PRKN: variants seen among roughly 807,000 people sequenced by gnomAD.
PRKN encodes the protein parkin RBR E3 ubiquitin protein ligase.
A neutral mutation model predicts 59.5 loss-of-function variants in PRKN; 56 were observed. That is an observed-to-expected ratio of 0.94 (90% confidence interval 0.76 to 1.18). PRKN has a LOEUF of 1.18. PRKN is among the 50% of genes most tolerant of loss of function. The pLI, the probability that PRKN is intolerant of heterozygous loss-of-function variation, is 0.00. For missense variants in PRKN, 657 were observed against 596.4 expected, an observed-to-expected ratio of 1.10 and a Z score of -1.06; for synonymous variants, 250 against 222.1, an observed-to-expected ratio of 1.13 and a Z score of -1.12.
rs866984219 is a variant in PRKN at position 162,000,410 on chromosome 6, G to A, written c.619-26993C>T. 9.2e-5 allele frequency among the ~76,000 whole-genome samples: 14 copies of A among 152,094 alleles called. No individual in the cohort carries two copies. The East Asian group carries it at 1.7e-3, about 19-fold the overall frequency. On this transcript the variant is annotated intron_variant, in intron 5 of 11. Transcript: ENST00000366898. ...TTTAATTTCCCTAACATGGTAAGAC[G>A]TTGAGCATCTTCTTATATGCTTACT...
At chr6:161,580,964 G>T (rs1781316290) in intron 7 of PRKN, among the ~76,000 whole-genome samples, 1 of 151,926 alleles carries the variant, frequency 6.6e-6, no homozygotes, top group Non-Finnish European at 1.5e-5. Flanking sequence ...CACTTTGGGA[G>T]GCCAAGGCAG....
intron 6 of PRKN, among the ~76,000 whole-genome samples, chr6:161,873,270 G>A (rs946359455): frequency 6.6e-6 from 1 of 151,672 alleles, no homozygotes; most frequent in Non-Finnish European, 1.5e-5. Flanking sequence ...CTGTAGAAAC[G>A]GTCTCTCCTA....
rs1463715950 is a variant in PRKN at position 161,562,501 on chromosome 6, AT to A, written c.933+6853del. Among the ~76,000 whole-genome samples, 1 of 152,096 alleles carries A rather than the reference AT, an allele frequency of 6.6e-6. No homozygotes were observed. Among genetic ancestry groups the A allele is most frequent in the East Asian group, 1.9e-4 (1 of 5,184 alleles). On this transcript the variant is annotated intron_variant, in intron 8 of 11. Coordinates refer to ENST00000366898, the MANE Select transcript of PRKN (RefSeq NM_004562.3). This position sits in a 1 kb window ranked among gnomAD's most constrained non-coding sequence, Gnocchi z 4.3. ...TTCTGAGAATCCCCATGGGTTTAAA[AT>A]TTCCTCTACATGCTGGTAATTCCAA...
intron 6 of PRKN, among the ~76,000 whole-genome samples, chr6:161,846,080 G>T (rs1389987193): frequency 6.6e-6 from 1 of 152,208 alleles, no homozygotes; most frequent in East Asian, 1.9e-4. Context: ...ATAAAAATAG[G>T]CTCCAAGGCT....
intron 6 of PRKN, among the ~76,000 whole-genome samples, chr6:161,962,416 T>TA (rs967000640): frequency 5.3e-4 from 79 of 149,602 alleles, no homozygotes; most frequent in South Asian, 2.5e-3. Context: ...TAGTTTTCTT[T>TA]AAAAAAAAAA....
intron 2 of PRKN, among the ~76,000 whole-genome samples, chr6:162,318,025 T>TAA (rs919036490): frequency 2.6e-5 from 4 of 151,994 alleles, no homozygotes; most frequent in African/African-American, 4.8e-5. Flanking sequence ...CAGAAATTTT[T>TAA]AATTTTCCCA....
At chr6:162,637,533 T>A (rs561028444) in intron 1 of PRKN, among the ~76,000 whole-genome samples, 3 of 152,210 alleles carry the variant, frequency 2.0e-5, no homozygotes, top group Non-Finnish European at 4.4e-5. Context: ...GAAGCAGGGC[T>A]CGACTTTGAC....
At chr6:162,530,567 C>T (rs777916983) in intron 1 of PRKN, among the ~76,000 whole-genome samples, 8 of 152,140 alleles carry the variant, frequency 5.3e-5, no homozygotes, top group East Asian at 1.9e-4. Context: ...ATGAAGAACA[C>T]AGTCTGCCTC....
At chr6:162,664,644 G>C (rs1779026140) in intron 1 of PRKN, among the ~76,000 whole-genome samples, 1 of 152,146 alleles carries the variant, frequency 6.6e-6, no homozygotes, top group Non-Finnish European at 1.5e-5. Context: ...CTGGTGATCA[G>C]TGATGTTGAG....
At chr6:162,592,277 C>T (rs1781341468) in intron 1 of PRKN, among the ~76,000 whole-genome samples, 1 of 152,170 alleles carries the variant, frequency 6.6e-6, no homozygotes, top group Non-Finnish European at 1.5e-5. Flanking sequence ...AGGTGTGAGC[C>T]ACTGCAGCTG....
At chr6:162,065,213 C>T (rs1778278612) in intron 4 of PRKN, among the ~76,000 whole-genome samples, 1 of 152,194 alleles carries the variant, frequency 6.6e-6, no homozygotes, top group African/African-American at 2.4e-5. Context: ...AGTAGGGAAG[C>T]CAACAGTGCA....
At chr6:161,539,847 T>C (rs1398299618) in intron 9 of PRKN, among the ~76,000 whole-genome samples, 1 of 152,222 alleles carries the variant, frequency 6.6e-6, no homozygotes, top group Non-Finnish European at 1.5e-5. Context: ...CTTTACTTCA[T>C]TCTGTGTATT....
chr6:161,548,343 G>A lies in PRKN; in HGVS notation c.1083+511C>T, dbSNP rs1442013836. Among the ~76,000 whole-genome samples the A allele has an allele frequency of 6.6e-6, 1 of 152,150 alleles. No individual in the cohort carries two copies. The highest frequency in any genetic ancestry group is 2.4e-5 in the African/African-American group (1 of 41,426). On this transcript the variant is annotated intron_variant, in intron 9 of 11. Transcript: ENST00000366898. The surrounding 1 kb of genome is among the most constrained non-coding windows in gnomAD (Gnocchi z 4.2). ...CACATTTCTTATTCTGCTTCCATAA[G>A]AGACACCATTAGTTTTGTTCATCTC... is the stretch of plus-strand genomic sequence containing the variant.
chr6:162,322,559 C>G (rs958563372), intron 2 of PRKN, among the ~76,000 whole-genome samples: 7 of 151,976 alleles, frequency 4.6e-5, no homozygotes, highest in Non-Finnish European at 8.8e-5. Context: ...CTACAGAAAT[C>G]AAGACAATGT....
At chr6:162,570,913 A>G (rs1032765548) in intron 1 of PRKN, among the ~76,000 whole-genome samples, 10 of 152,228 alleles carry the variant, frequency 6.6e-5, no homozygotes, top group African/African-American at 2.4e-4. Flanking sequence ...TTAATTGTGT[A>G]TTTTAAAATA....
chr6:162,634,874 G>A (rs2849558), intron 1 of PRKN, among the ~76,000 whole-genome samples: 80,952 of 151,914 alleles, frequency 0.53, 22,363 homozygotes, highest in African/African-American at 0.64. Flanking sequence ...CATCGGCCCC[G>A]GCCTCCCAAA....
intron 5 of PRKN, among the ~76,000 whole-genome samples, chr6:161,989,155 T>A (rs984317095): frequency 1.3e-5 from 2 of 152,188 alleles, no homozygotes; most frequent in African/African-American, 4.8e-5. Context: ...ATCACACACA[T>A]CTCTTTTAAG....
chr6:161,571,365 A>G (rs1362473617), intron 7 of PRKN, among the ~76,000 whole-genome samples: 1 of 152,260 alleles, frequency 6.6e-6, no homozygotes, highest in Non-Finnish European at 1.5e-5. Flanking sequence ...TATGCAGGAC[A>G]TATCAACTAA....
Position 161,614,963 on chromosome 6 carries a change from C to CAGAGAG in PRKN, c.872-45553_872-45548dup, listed in dbSNP as rs71694349. Among the ~76,000 whole-genome samples the CAGAGAG allele has an allele frequency of 6.5e-3, 961 of 147,320 alleles. 15 individuals carry two copies. The highest frequency in any genetic ancestry group is 0.022 in the African/African-American group (900 of 40,016). On this transcript the variant is annotated intron_variant, in intron 7 of 11. Transcript: ENST00000366898. ...TTTTTAGTTTTCTGGGAGAGGAAGA[C>CAGAGAG]AGAGAGAGAGAGAGAGAGAGAGAGA...
Sources: gnomAD v4.1 joint callset for allele counts (sites outside exome capture counted in the v4.1 genomes callset) on GRCh38, gnomAD v4.1.1 for gene constraint, Gnocchi (gnomAD v3.1) non-coding constraint, MANE v1.5 for transcripts, NCBI Gene and HGNC (gene_info 2026-07-23, HGNC 2026-07-21) for gene names.